CDK13: variants seen among roughly 807,000 people sequenced by gnomAD.
The protein encoded by CDK13 is cyclin-dependent kinase 13.
In CDK13, 40 loss-of-function variants were observed where a neutral mutation model predicts 137.6. The observed-to-expected ratio is 0.29, with a 90% CI of 0.23 to 0.38. The LOEUF is 0.38. Ranked by LOEUF, CDK13 falls within the 10% of genes least tolerant of loss-of-function variation. CDK13 has a pLI of 1.00. For missense variants in CDK13, 1,704 were observed against 1,951.8 expected (o/e 0.87, Z 2.39); for synonymous variants, 869 against 760.1 (o/e 1.14, Z -2.36).
intron 5 of CDK13, among the ~76,000 whole-genome samples, chr7:40,017,836 A>G (rs543544543): frequency 1.3e-5 from 2 of 151,902 alleles, no homozygotes; most frequent in African/African-American, 2.4e-5. Flanking sequence ...AAATTCTATT[A>G]TAGTTTGAAA....
chr7:39,990,107 T>C (rs886398002), intron 2 of CDK13, among the ~76,000 whole-genome samples: 1 of 152,204 alleles, frequency 6.6e-6, no homozygotes, highest in Non-Finnish European at 1.5e-5. Flanking sequence ...ATGTATGCTT[T>C]AGGAGTAAAT....
chr7:40,035,586 T>G (rs1209195746), intron 5 of CDK13, among the ~76,000 whole-genome samples: 1 of 152,056 alleles, frequency 6.6e-6, no homozygotes, highest in Non-Finnish European at 1.5e-5. Context: ...TCTGATGATC[T>G]GTCACTGTCT....
intron 7 of CDK13, among the ~76,000 whole-genome samples, chr7:40,059,666 T>C (rs1178721351): frequency 6.6e-6 from 1 of 152,152 alleles, no homozygotes; most frequent in Non-Finnish European, 1.5e-5. Flanking sequence ...CTTCTTGGGA[T>C]TGTTCAGAGG....
At chr7:40,003,821 C>T (rs775289614) in intron 5 of CDK13, among the ~76,000 whole-genome samples, 1 of 152,174 alleles carries the variant, frequency 6.6e-6, no homozygotes, top group Admixed American at 6.5e-5. Flanking sequence ...CTCATTCACA[C>T]ATGCACGCAT....
At chr7:40,031,126 A>G (rs1785369077) in intron 5 of CDK13, among the ~76,000 whole-genome samples, 1 of 152,226 alleles carries the variant, frequency 6.6e-6, no homozygotes, top group African/African-American at 2.4e-5. Context: ...GTTGTTTCAC[A>G]TTTTTACCAG....
At chr7:39,996,064 TAAAG>T (rs1248297226) in intron 2 of CDK13, among the ~76,000 whole-genome samples, 8 of 152,306 alleles carry the variant, frequency 5.3e-5, no homozygotes, top group African/African-American at 1.2e-4. Flanking sequence ...TTTTCTCTGT[TAAAG>T]AACCTTCCAG....
At chr7:40,000,890 G>A (rs1326252111) in intron 4 of CDK13, among the ~76,000 whole-genome samples, 2 of 152,064 alleles carry the variant, frequency 1.3e-5, no homozygotes, top group East Asian at 1.9e-4. Flanking sequence ...AATAGGCTTC[G>A]TGTATGTGTG....
intron 1 of CDK13, among the ~76,000 whole-genome samples, chr7:39,976,319 TCTCTCACACA>T (rs1473069088): frequency 1.8e-5 from 1 of 54,288 alleles, no homozygotes; most frequent in East Asian, 4.5e-4. Context: ...TCTCTCTCTC[TCTCTCACACA>T]CACACACACA....
rs1359649785 is a variant in CDK13 at position 40,021,108 on chromosome 7, T to TACACACAC, written c.2353+19078_2353+19079insCACACACA. On this transcript the variant is annotated intron_variant, in intron 5 of 13. Transcript: ENST00000181839. Reference sequence around the variant, plus strand: ...CCATCTCAGAGCAAACAAACGTATATATATATATATATATACACACACACA... The same window carrying TACACACAC: ...CCATCTCAGAGCAAACAAACGTATATACACACACATATATATATATATACACACACACA... 3.1e-3 allele frequency among the ~76,000 whole-genome samples: 227 copies of TACACACAC among 72,496 alleles called. 2 individuals are homozygous for TACACACAC. The highest frequency in any genetic ancestry group is 0.014 in the East Asian group (11 of 770). 47.6% of individuals were successfully genotyped at this position (72,496 alleles called of 152,430 possible).
At chr7:39,973,844 C>T (rs1784050987) in intron 1 of CDK13, among the ~76,000 whole-genome samples, 1 of 152,144 alleles carries the variant, frequency 6.6e-6, no homozygotes, top group South Asian at 2.1e-4. Context: ...AAAGAGTATT[C>T]CTTTTCCATT....
intron 5 of CDK13, among the ~76,000 whole-genome samples, chr7:40,012,762 A>G (rs1219055280): frequency 1.3e-5 from 2 of 151,416 alleles, no homozygotes; most frequent in Non-Finnish European, 2.9e-5. Context: ...AAATACAAAA[A>G]TCAGCTGGGC....
At chr7:39,979,222 T>TC (rs892071413) in intron 1 of CDK13, among the ~76,000 whole-genome samples, 16 of 148,072 alleles carry the variant, frequency 1.1e-4, no homozygotes, top group African/African-American at 3.3e-4. Flanking sequence ...TTTTCTTTTT[T>TC]TTTTTTTTTT....
chr7:40,056,704 A>G (rs1234187542), intron 7 of CDK13, among the ~76,000 whole-genome samples: 2 of 152,246 alleles, frequency 1.3e-5, no homozygotes, highest in Non-Finnish European at 2.9e-5. Flanking sequence ...GGATGACTAT[A>G]GCTAGAACCA....
chr7:40,021,449 T>A (rs995179297), intron 5 of CDK13, among the ~76,000 whole-genome samples: 4 of 151,154 alleles, frequency 2.6e-5, no homozygotes, highest in Non-Finnish European at 4.4e-5. Flanking sequence ...TGAGCTGAGA[T>A]CCTGCCACCG....
intron 1 of CDK13, among the ~76,000 whole-genome samples, chr7:39,962,202 G>T (rs1455481600): frequency 2.0e-5 from 3 of 152,324 alleles, no homozygotes; most frequent in Non-Finnish European, 4.4e-5. Flanking sequence ...GATCCCTGAG[G>T]ATTTGCCACA....
intron 5 of CDK13, among the ~76,000 whole-genome samples, chr7:40,006,014 A>G (rs1296360561): frequency 6.6e-6 from 1 of 152,194 alleles, no homozygotes; most frequent in Non-Finnish European, 1.5e-5. Context: ...GAGTCATCAC[A>G]CTTGGCCTGA....
intron 1 of CDK13, among the ~76,000 whole-genome samples, chr7:39,970,043 G>A (rs935444639): frequency 1.8e-4 from 27 of 146,888 alleles, no homozygotes; most frequent in East Asian, 7.9e-4. Flanking sequence ...TTGAGACAGC[G>A]TGTCTCACTC....
At chr7:39,964,531 C>T (rs916838097) in intron 1 of CDK13, among the ~76,000 whole-genome samples, 2 of 151,064 alleles carry the variant, frequency 1.3e-5, no homozygotes, top group East Asian at 3.9e-4. Context: ...ATTAGTCTTG[C>T]TAGCGGTCTG....
rs2116073530 is a variant in CDK13, at chr7:39,951,819, G to A, written c.1178G>A (p.Arg393His). ...AGTCCCTACAGCAGCAGCAGCTGGC[G>A]CCGCTCTCGCAGTCCCTACAGCCCT... Reference protein sequence around the residue: ...SPSPYSSSSWRRSRSPYSPVL... With the variant: ...SPSPYSSSSWHRSRSPYSPVL... The change falls in exon 1 of 14, where the codon CGC becomes CAC. Residue 393 changes from arginine (R) to histidine (H), a missense_variant. Physicochemically the swap from Arg to His is conservative, Grantham distance 29 (BLOSUM62 0). Transcript: ENST00000181839. 2 of 1,453,778 alleles carry A rather than the reference G, an allele frequency of 1.4e-6. No individual in the cohort carries two copies. The highest frequency in any genetic ancestry group is 1.8e-6 in the Non-Finnish European group (2 of 1,112,366). 90.1% of individuals were successfully genotyped at this position (1,453,778 alleles called of 1,614,324 possible). A position where few individuals can be genotyped will look rare whatever the true frequency, so the allele number is the denominator to read the frequency against.
Sources: allele counts gnomAD v4.1 joint callset (sites outside exome capture counted in the v4.1 genomes callset), GRCh38; gene constraint gnomAD v4.1.1; transcripts MANE v1.5; gene names NCBI Gene and HGNC (gene_info 2026-07-23, HGNC 2026-07-21).